The following DACH1 variants were observed in gnomAD, a reference collection of about 807,000 sequenced individuals.
DACH1 encodes the protein dachshund homolog 1.
Under a neutral mutation model 54.2 loss-of-function variants are expected in DACH1, and 12 were observed. The observed-to-expected ratio is 0.22, with a 90% CI of 0.14 to 0.36. DACH1 has a LOEUF of 0.36. DACH1 is among the 10% of genes least tolerant of loss of function. The pLI is 1.00. For missense variants in DACH1, 805 were observed against 929.8 expected, an observed-to-expected ratio of 0.87 and a Z score of 1.75; for synonymous variants, 386 against 366.2, an observed-to-expected ratio of 1.05 and a Z score of -0.62.
At chr13:71,552,876 GAGAGAAAGAGAC>G (rs1407874250) in intron 6 of DACH1, among the ~76,000 whole-genome samples, 26 of 128,766 alleles carry the variant, frequency 2.0e-4, no homozygotes, top group Non-Finnish European at 4.2e-4. Flanking sequence ...GAGAGAGAGA[GAGAGAAAGAGAC>G]AGAACTAATA....
intron 6 of DACH1, among the ~76,000 whole-genome samples, chr13:71,522,782 T>A (rs1458600075): frequency 6.6e-6 from 1 of 152,148 alleles, no homozygotes; most frequent in East Asian, 1.9e-4. Context: ...AAGGGTTGAA[T>A]GTTTCTGGGA....
At chr13:71,450,941 G>A (rs1441207490) in intron 10 of DACH1, among the ~76,000 whole-genome samples, 1 of 152,054 alleles carries the variant, frequency 6.6e-6, no homozygotes, top group Admixed American at 6.5e-5. Flanking sequence ...AAATGGGGTC[G>A]AAATCTGCAT....
intron 6 of DACH1, among the ~76,000 whole-genome samples, chr13:71,505,824 G>C (rs948077410): frequency 1.3e-5 from 2 of 151,926 alleles, no homozygotes; most frequent in African/African-American, 4.8e-5. Context: ...TTCCACTTTA[G>C]CCTATATACC....
At chr13:71,463,597 T>G (rs1876297264) in intron 10 of DACH1, among the ~76,000 whole-genome samples, 2 of 151,990 alleles carry the variant, frequency 1.3e-5, no homozygotes. Context: ...ATTTACAGTT[T>G]GAGTCCAAGT....
At chr13:71,684,857 G>C (rs916225368) in intron 1 of DACH1, among the ~76,000 whole-genome samples, 2 of 151,994 alleles carry the variant, frequency 1.3e-5, no homozygotes, top group East Asian at 1.9e-4. Flanking sequence ...ATCAATTCCA[G>C]GGTCATAAAG....
intron 1 of DACH1, among the ~76,000 whole-genome samples, chr13:71,809,893 G>A (rs532818190): frequency 3.3e-5 from 5 of 152,228 alleles, no homozygotes; most frequent in South Asian, 2.1e-4. Context: ...GTTAATTCCC[G>A]AAAGTTCAGA....
At position 71,580,944 on chromosome 13, in the gene DACH1, CT is replaced by C. The variant is rs1017956899; in HGVS notation, c.1127-7933del. Among the ~76,000 whole-genome samples, 10 of 148,750 alleles carry C rather than the reference CT, an allele frequency of 6.7e-5. No individual in the cohort carries two copies. The Middle Eastern group carries it at 0.014, about 216-fold the overall frequency. Reference sequence around the variant, plus strand: ...TTACAAATCTTACACTGTCACTCCCCTGATTAGGGGTCTTCATTTTTTTCCC... The same window carrying C: ...TTACAAATCTTACACTGTCACTCCCCGATTAGGGGTCTTCATTTTTTTCCC... On this transcript the variant is annotated intron_variant, in intron 3 of 10. Coordinates refer to ENST00000613252, the MANE Select transcript of DACH1 (RefSeq NM_080759.6).
intron 2 of DACH1, among the ~76,000 whole-genome samples, chr13:71,648,612 C>T (rs1878463796): frequency 6.6e-6 from 1 of 152,110 alleles, no homozygotes; most frequent in African/African-American, 2.4e-5. Flanking sequence ...GTTTTGAAGA[C>T]TAAGAGCTGT....
chr13:71,731,059 T>A (rs540816525), intron 1 of DACH1, among the ~76,000 whole-genome samples: 1 of 152,188 alleles, frequency 6.6e-6, no homozygotes, highest in East Asian at 1.9e-4. Flanking sequence ...ATAAAGATGG[T>A]GAGAATGAAC....
intron 3 of DACH1, among the ~76,000 whole-genome samples, chr13:71,598,228 A>C (rs1874247602): frequency 6.6e-6 from 1 of 152,116 alleles, no homozygotes; most frequent in African/African-American, 2.4e-5. Flanking sequence ...CAGTATAAAT[A>C]TTTTGATAAA....
intron 6 of DACH1, among the ~76,000 whole-genome samples, chr13:71,532,378 AT>A (rs1264163825): frequency 1.3e-5 from 2 of 151,982 alleles, no homozygotes; most frequent in Non-Finnish European, 2.9e-5. Flanking sequence ...AATTAAATGC[AT>A]TTTAATTTTT....
At chr13:71,653,300 G>C (rs1878813649) in intron 2 of DACH1, among the ~76,000 whole-genome samples, 1 of 152,100 alleles carries the variant, frequency 6.6e-6, no homozygotes, top group Non-Finnish European at 1.5e-5. Flanking sequence ...ACATCAGCTG[G>C]TTCTAAGGTC....
At chr13:71,748,899 TC>T (rs1325577691) in intron 1 of DACH1, among the ~76,000 whole-genome samples, 47 of 15,338 alleles carry the variant, frequency 3.1e-3, no homozygotes, top group Admixed American at 6.3e-3. Flanking sequence ...TCTTTCTTTC[TC>T]TTTCTTTCTT....
In DACH1 at chr13:71,521,806, AG is replaced by A. The variant is rs140320835; in HGVS notation, c.1571-32659del. On this transcript the variant is annotated intron_variant, in intron 6 of 10. Transcript: ENST00000613252. ...TCCCTCTCAAATGGTTTAAAGACGA[AG>A]AGCCTCACCTTTGTAACTGTACCTT... is the stretch of plus-strand genomic sequence containing the variant. Among the ~76,000 whole-genome samples, 202 of 152,246 alleles carry A rather than the reference AG, an allele frequency of 1.3e-3. 2 individuals are homozygous for A. In the East Asian group the frequency reaches 0.031, roughly 24 times the overall value.
intron 4 of DACH1, among the ~76,000 whole-genome samples, chr13:71,562,440 C>T (rs1884647553): frequency 6.6e-6 from 1 of 151,968 alleles, no homozygotes; most frequent in Non-Finnish European, 1.5e-5. Context: ...CAAAGACAAA[C>T]ATACATCCCA....
intron 6 of DACH1, among the ~76,000 whole-genome samples, chr13:71,536,873 C>A (rs1378944444): frequency 6.6e-6 from 1 of 152,048 alleles, no homozygotes; most frequent in Non-Finnish European, 1.5e-5. Flanking sequence ...ATTGCCAACA[C>A]CCTAGTCAAA....
At chr13:71,788,930 T>A (rs1036190631) in intron 1 of DACH1, among the ~76,000 whole-genome samples, 17 of 152,100 alleles carry the variant, frequency 1.1e-4, no homozygotes, top group Non-Finnish European at 2.4e-4. Context: ...CTTAGAAAAA[T>A]TTATTCTCCA....
intron 1 of DACH1, among the ~76,000 whole-genome samples, chr13:71,813,403 T>C (rs182493194): frequency 1.6e-3 from 237 of 152,256 alleles, no homozygotes; most frequent in East Asian, 3.9e-3. Context: ...TCAATGCAGG[T>C]GAGTCAGACC....
intron 1 of DACH1, among the ~76,000 whole-genome samples, chr13:71,737,772 C>A (rs868492785): frequency 4.6e-5 from 7 of 152,056 alleles, no homozygotes; most frequent in Middle Eastern, 3.4e-3. Flanking sequence ...AAACTAGAGG[C>A]AATAGGAATG....
Sources: allele counts gnomAD v4.1 joint callset (sites outside exome capture counted in the v4.1 genomes callset), GRCh38; gene constraint gnomAD v4.1.1; transcripts MANE v1.5; gene names NCBI Gene and HGNC (gene_info 2026-07-23, HGNC 2026-07-21).